The following EP400 variants were observed in gnomAD, a reference collection of about 807,000 sequenced individuals.
The protein encoded by EP400 is E1A-binding protein p400.
Under a neutral mutation model 354.1 loss-of-function variants are expected in EP400, and 105 were observed. The observed-to-expected ratio is 0.30, with a 90% CI of 0.25 to 0.35. The LOEUF (loss-of-function observed/expected upper bound fraction) is 0.35, where lower values mean the gene tolerates loss of function less well. Among genes scored for constraint, EP400 ranks in the 10% least tolerant of loss-of-function variants. The probability of loss-of-function intolerance (pLI) is 1.00; values close to 1 mark genes in which losing one functional copy is unlikely to be tolerated. For synonymous variants in EP400, 1,646 were observed against 1,716.9 expected, an observed-to-expected ratio of 0.96 and a Z score of 1.02; for missense variants, 3,280 against 4,121.0, an observed-to-expected ratio of 0.80 and a Z score of 5.59.
chr12:131,951,003 G>T (rs1891459170), intron 1 of EP400, among the ~76,000 whole-genome samples: 1 of 151,348 alleles, frequency 6.6e-6, no homozygotes, highest in South Asian at 2.1e-4. Context: ...AGGTTCAAGC[G>T]ATTCTCCTGC....
chr12:132,072,838 C>T (rs1409131274), intron 51 of EP400, among the ~76,000 whole-genome samples: 2 of 152,218 alleles, frequency 1.3e-5, no homozygotes, highest in Non-Finnish European at 2.9e-5. Context: ...TTTCATTAGC[C>T]ACATTTAAGT....
At chr12:132,044,419 T>A (rs1750084542) in intron 35 of EP400, 108 bp downstream of exon 35, 1 of 1,427,884 alleles carries the variant, frequency 7.0e-7, no homozygotes. Flanking sequence ...AGAAAATGCC[T>A]AGGAATTTTT....
Position 132,037,708 on chromosome 12 carries a change from A to T in EP400, c.5978A>T (p.Glu1993Val). ...CTTGTGAGTGGCAATTCCATTGAAG[A>T]GAAATTGTTGAAAAATGGAACTAAA... ...YRLVSGNSIE[E>V]KLLKNGTKDL... The change falls in exon 31 of 53, where the codon GAG becomes GTG. Residue 1993 changes from glutamate (E) to valine (V), a missense_variant. Coordinates refer to ENST00000389561, the MANE Select transcript of EP400 (RefSeq NM_015409.5). 6.2e-7 allele frequency: 1 copy of T among 1,614,208 alleles called. No individual in the cohort carries two copies. The highest frequency in any genetic ancestry group is 8.5e-7 in the Non-Finnish European group (1 of 1,180,028).
At chr12:132,071,938 G>A (rs1450376016) in intron 51 of EP400, among the ~76,000 whole-genome samples, 1 of 151,528 alleles carries the variant, frequency 6.6e-6, no homozygotes, top group East Asian at 1.9e-4. Context: ...TGTTAGTACA[G>A]TGGACAGATG....
rs774444407 is a variant in EP400 at position 131,979,813 on chromosome 12, G to C, written c.1435+20G>C. 3 of 1,576,134 alleles carry C rather than the reference G, an allele frequency of 1.9e-6. No homozygotes were observed. In the East Asian group the frequency reaches 7.0e-5, roughly 37 times the overall value. On this transcript the variant is annotated intron_variant, in intron 3 of 52. Transcript: ENST00000389561. ...TGGCAGGTACGTCGGCACGGCTAGC[G>C]TGGCCTCGGGAATGCCCCCCTCTCC... is the stretch of plus-strand genomic sequence containing the variant.
chr12:132,036,533 C>T (rs1894723823), intron 30 of EP400, among the ~76,000 whole-genome samples: 1 of 152,238 alleles, frequency 6.6e-6, no homozygotes, highest in Non-Finnish European at 1.5e-5. Context: ...GAGAGGCAGG[C>T]CACCCTCCCT....
intron 45 of EP400, among the ~76,000 whole-genome samples, chr12:132,057,735 G>T (rs866810707): frequency 6.6e-6 from 1 of 152,196 alleles, no homozygotes; most frequent in Non-Finnish European, 1.5e-5. Context: ...CACTGCAGTA[G>T]ATAGCAGAAG....
rs950906271 is a variant in EP400 at position 132,054,329 on chromosome 12, T to G, written c.7729-645T>G. Among the ~76,000 whole-genome samples the G allele has an allele frequency of 6.6e-6, 1 of 152,260 alleles. No individual in the cohort carries two copies. Among genetic ancestry groups the G allele is most frequent in the Non-Finnish European group, 1.5e-5 (1 of 68,044 alleles). On this transcript the variant is annotated intron_variant, in intron 43 of 52. Coordinates refer to ENST00000389561, the MANE Select transcript of EP400 (RefSeq NM_015409.5). The surrounding 1 kb of genome is among the most constrained non-coding windows in gnomAD (Gnocchi z 4.0). ...TGTTTGCTGTAGTGGAATTTTTATATGTACTCAGGCAACTTCATTCCTCAT... is the reference window on the plus strand; with the variant it reads ...TGTTTGCTGTAGTGGAATTTTTATAGGTACTCAGGCAACTTCATTCCTCAT...
intron 30 of EP400, 85 bp downstream of exon 30, chr12:132,032,234 A>G (rs1802212689): frequency 1.4e-5 from 20 of 1,427,042 alleles, no homozygotes; most frequent in Non-Finnish European, 1.8e-5. Context: ...CCGCGTGGAA[A>G]TGGAGTCAAT....
chr12:131,991,151 C>T (rs536270234), intron 9 of EP400, among the ~76,000 whole-genome samples: 2 of 152,286 alleles, frequency 1.3e-5, no homozygotes, highest in East Asian at 3.9e-4. Flanking sequence ...CTGAGGACAC[C>T]CCCAGGAGGG....
At position 131,982,356 on chromosome 12, in the gene EP400, A is replaced by C; in HGVS notation, c.1807A>C (p.Ile603Leu). 1 of 1,613,940 alleles carries C rather than the reference A, an allele frequency of 6.2e-7. No homozygotes were observed. Among genetic ancestry groups the C allele is most frequent in the Non-Finnish European group, 8.5e-7 (1 of 1,179,980 alleles). Residue 603 changes from isoleucine (I) to leucine (L), a missense_variant, in exon 5 of 53, where the codon ATC becomes CTC. By Grantham distance (5) the Ile-to-Leu change is conservative. Around this residue, in one of 20 missense-constraint regions of EP400, gnomAD observed 800 missense variants for 840.0 expected, o/e 0.95. Coordinates refer to ENST00000389561, the MANE Select transcript of EP400 (RefSeq NM_015409.5). ...GAAGACTCAGCAGCCCAATGTTCCC[A>C]TCCCTGCACCGCCCAGCAGCCAACT... is the stretch of plus-strand genomic sequence containing the variant. ...PVKTQQPNVP[I>L]PAPPSSQLPI...
chr12:132,030,115 C>T lies in EP400; in HGVS notation c.5711C>T (p.Thr1904Ile). Residue 1904 changes from threonine to isoleucine, a missense_variant, in exon 29 of 53, where the codon ACC becomes ATC. By Grantham distance (89) the Thr-to-Ile change is moderately conservative. Transcript: ENST00000389561. ...ATGTTCTTGAACTTCCATTACCTCACCTATGTAAGAATCGATGAAAATGCC... is the reference window on the plus strand; with the variant it reads ...ATGTTCTTGAACTTCCATTACCTCATCTATGTAAGAATCGATGAAAATGCC... ...LEMFLNFHYLTYVRIDENASS... is the reference protein window; with the variant it reads ...LEMFLNFHYLIYVRIDENASS... 1.9e-6 allele frequency: 3 copies of T among 1,614,226 alleles called. No individual in the cohort carries two copies. The highest frequency in any genetic ancestry group is 2.5e-6 in the Non-Finnish European group (3 of 1,180,036).
intron 21 of EP400, 63 bp from the exon 22 acceptor site, chr12:132,019,986 G>T (rs1894071582): frequency 7.0e-7 from 1 of 1,432,816 alleles, no homozygotes; most frequent in Admixed American, 2.8e-5. Context: ...GCTCCATGAG[G>T]TGGCCTGTCC....
intron 1 of EP400, among the ~76,000 whole-genome samples, chr12:131,954,222 A>C (rs2136458907): frequency 6.6e-6 from 1 of 151,824 alleles, no homozygotes. Flanking sequence ...TTTGTCTTAA[A>C]ATTAAAAAAA....
intron 12 of EP400, among the ~76,000 whole-genome samples, chr12:131,999,898 T>C (rs1434637530): frequency 6.6e-6 from 1 of 152,142 alleles, no homozygotes; most frequent in Non-Finnish European, 1.5e-5. Flanking sequence ...TGGCTGTGTT[T>C]GTATGTATGT....
chr12:131,986,830 T>C, intron 6 of EP400, 23 bp downstream of exon 6: 2 of 1,578,014 alleles, frequency 1.3e-6, no homozygotes, highest in East Asian at 4.5e-5. Flanking sequence ...AAGAAAGTTG[T>C]AAAATGTACT....
intron 33 of EP400, 58 bp downstream of exon 33, chr12:132,043,520 ATATT>A: frequency 1.1e-5 from 18 of 1,593,698 alleles, no homozygotes; most frequent in Non-Finnish European, 1.4e-5. Context: ...CTTCTATAAA[ATATT>A]TATTGTTTAC....
In EP400 at chr12:132,075,532, G is replaced by T. The variant is rs1032489956; in HGVS notation, c.9022-984G>T. Among the ~76,000 whole-genome samples the T allele has an allele frequency of 6.6e-6, 1 of 152,126 alleles. No individual in the cohort carries two copies. The highest frequency in any genetic ancestry group is 1.9e-4 in the East Asian group (1 of 5,208). Reference sequence around the variant, plus strand: ...GTCTTGAGATGGGCCCTGGAGCACCGGCTGCATCTTTGTTTCCCAGCAGTT... The same window carrying T: ...GTCTTGAGATGGGCCCTGGAGCACCTGCTGCATCTTTGTTTCCCAGCAGTT... On this transcript the variant is annotated intron_variant, in intron 51 of 52. Transcript: ENST00000389561. This position sits in a 1 kb window ranked among gnomAD's most constrained non-coding sequence, Gnocchi z 4.5.
chr12:131,986,690 C>T lies in EP400; in HGVS notation c.2106C>T (p.Val702=). The change falls in exon 6 of 53, where the codon GTC becomes GTT. Residue 702 remains valine, a synonymous_variant. Transcript: ENST00000389561. ...CCACCAATAAGGCACTATCTCCAGT[C>T]ACTTCCCGGACCCCAGGGGTGGTGG... ...SSATNKALSP[V]TSRTPGVVAS... 6.2e-7 allele frequency: 1 copy of T among 1,614,198 alleles called. No homozygotes were observed. The highest frequency in any genetic ancestry group is 1.1e-5 in the South Asian group (1 of 91,076).
Sources: gnomAD v4.1 joint callset for allele counts (sites outside exome capture counted in the v4.1 genomes callset) on GRCh38, gnomAD v4.1.1 for gene constraint, gnomAD v4.1.1 regional missense constraint, Gnocchi (gnomAD v3.1) non-coding constraint, MANE v1.5 for transcripts, NCBI Gene and HGNC (gene_info 2026-07-23, HGNC 2026-07-21) for gene names.